The following NUBPL variants were observed in gnomAD, a reference collection of about 807,000 sequenced individuals.
NUBPL encodes NUBP iron-sulfur cluster assembly factor, mitochondrial, also known as iron-sulfur cluster transfer protein NUBPL.
NUBPL carries 31 observed loss-of-function variants against 45.7 expected under a neutral mutation model. That is an observed-to-expected ratio of 0.68 (90% CI 0.51 to 0.92). NUBPL has a LOEUF of 0.92. Ranked by LOEUF, NUBPL falls within the 40% of genes least tolerant of loss-of-function variation. NUBPL has a pLI of 0.00. For missense variants in NUBPL, 401 were observed against 398.7 expected, an observed-to-expected ratio of 1.01 and a Z score of -0.05; for synonymous variants, 144 against 140.9, an observed-to-expected ratio of 1.02 and a Z score of -0.15.
intron 1 of NUBPL, 111 bp from the exon 2 acceptor site, chr14:31,561,957 T>C: frequency 9.7e-7 from 1 of 1,026,312 alleles, no homozygotes; most frequent in Non-Finnish European, 1.5e-6. Flanking sequence ...ATGAGCAGAA[T>C]TAGAAAAGAA....
At chr14:31,695,345 C>CTTTT (rs34395195) in intron 6 of NUBPL, among the ~76,000 whole-genome samples, 1 of 140,206 alleles carries the variant, frequency 7.1e-6, no homozygotes, top group Non-Finnish European at 1.5e-5. Flanking sequence ...TGTAGTGTTC[C>CTTTT]TTTTTTTTTT....
At chr14:31,718,608 G>T (rs1386339140) in intron 6 of NUBPL, among the ~76,000 whole-genome samples, 6 of 152,122 alleles carry the variant, frequency 3.9e-5, no homozygotes, top group Non-Finnish European at 8.8e-5. Context: ...CATTTAGTGA[G>T]GGGAGTTATT....
At chr14:31,683,011 T>C (rs1051544975) in intron 6 of NUBPL, among the ~76,000 whole-genome samples, 3 of 106,498 alleles carry the variant, frequency 2.8e-5, no homozygotes, top group Non-Finnish European at 5.4e-5. Flanking sequence ...GAGGAGGTGC[T>C]AGGTTCCTTT....
At chr14:31,672,756 C>T (rs1240150414) in intron 4 of NUBPL, among the ~76,000 whole-genome samples, 1 of 152,120 alleles carries the variant, frequency 6.6e-6, no homozygotes, top group African/African-American at 2.4e-5. Flanking sequence ...TTTTTAGAAA[C>T]ATATTTAAAA....
chr14:31,590,206 T>G (rs2034105877), intron 3 of NUBPL, among the ~76,000 whole-genome samples: 1 of 152,160 alleles, frequency 6.6e-6, no homozygotes, highest in African/African-American at 2.4e-5. Flanking sequence ...AGTGGTGTGA[T>G]CTCAGCTCAC....
intron 7 of NUBPL, among the ~76,000 whole-genome samples, chr14:31,802,211 A>G (rs2039603835): frequency 6.6e-6 from 1 of 152,110 alleles, no homozygotes; most frequent in South Asian, 2.1e-4. Flanking sequence ...GTTGTAATAT[A>G]ATAAAAACAA....
At chr14:31,752,967 T>G (rs1269404286) in intron 6 of NUBPL, among the ~76,000 whole-genome samples, 1 of 152,036 alleles carries the variant, frequency 6.6e-6, no homozygotes, top group Non-Finnish European at 1.5e-5. Flanking sequence ...AACCATCAGA[T>G]CTCGTGAGAA....
At chr14:31,661,433 C>A (rs1426566591) in intron 4 of NUBPL, among the ~76,000 whole-genome samples, 1 of 152,160 alleles carries the variant, frequency 6.6e-6, no homozygotes, top group Non-Finnish European at 1.5e-5. Context: ...AAATAAAATT[C>A]TAAGGCAAAG....
chr14:31,682,301 A>G (rs900262644), intron 6 of NUBPL, among the ~76,000 whole-genome samples: 11 of 152,148 alleles, frequency 7.2e-5, no homozygotes, highest in Non-Finnish European at 1.3e-4. Context: ...AATTCTTCAT[A>G]TTGAAGTCTA....
chr14:31,625,353 A>G (rs1253505625), intron 4 of NUBPL, among the ~76,000 whole-genome samples: 47 of 152,214 alleles, frequency 3.1e-4, no homozygotes, highest in Non-Finnish European at 2.9e-5. Context: ...TCTCGAAGCA[A>G]CATACTATGT....
chr14:31,717,556 C>CATTTCAG (rs1457127033), intron 6 of NUBPL, among the ~76,000 whole-genome samples: 1 of 152,192 alleles, frequency 6.6e-6, no homozygotes, highest in African/African-American at 2.4e-5. Context: ...CACTTTGTGA[C>CATTTCAG]ATTTCAGACA....
intron 6 of NUBPL, among the ~76,000 whole-genome samples, chr14:31,700,619 C>T (rs117935741): frequency 0.045 from 6,856 of 152,210 alleles, 187 homozygotes; most frequent in Admixed American, 0.065. Context: ...GGCGCAGGCT[C>T]GGCGGGCCCT....
At chr14:31,852,906 A>T (rs989786233) in intron 10 of NUBPL, among the ~76,000 whole-genome samples, 1 of 152,174 alleles carries the variant, frequency 6.6e-6, no homozygotes, top group Non-Finnish European at 1.5e-5. Context: ...CTCTCACCAG[A>T]TTCTGTTGTA....
At chr14:31,803,898 TTC>T (rs2039637225) in intron 7 of NUBPL, among the ~76,000 whole-genome samples, 1 of 152,140 alleles carries the variant, frequency 6.6e-6, no homozygotes, top group Non-Finnish European at 1.5e-5. Flanking sequence ...ACTAAATGCT[TTC>T]TATCTTTCTT....
rs571425151 is a variant in NUBPL at position 31,779,752 on chromosome 14, A to G, written c.514-8028A>G. On this transcript the variant is annotated intron_variant, in intron 6 of 10. Coordinates refer to ENST00000281081, the MANE Select transcript of NUBPL (RefSeq NM_025152.3). ...CTTGAAGACAGTGCACAGAGTTACAATCTAATAACAGATGTACTTTTGCTT... is the reference window on the plus strand; with the variant it reads ...CTTGAAGACAGTGCACAGAGTTACAGTCTAATAACAGATGTACTTTTGCTT... Among the ~76,000 whole-genome samples the G allele has an allele frequency of 6.4e-4, 97 of 152,326 alleles. 1 individual carries two copies. The highest frequency in any genetic ancestry group is 2.1e-4 in the Non-Finnish European group (14 of 68,030).
chr14:31,735,579 C>T (rs1327037886), intron 6 of NUBPL, among the ~76,000 whole-genome samples: 5 of 152,124 alleles, frequency 3.3e-5, no homozygotes, highest in South Asian at 2.1e-4. Flanking sequence ...AATGGCCAGG[C>T]GCGGTGGCTC....
chr14:31,588,057 G>T (rs142846237), intron 3 of NUBPL, among the ~76,000 whole-genome samples: 2 of 152,270 alleles, frequency 1.3e-5, no homozygotes, highest in African/African-American at 2.4e-5. Flanking sequence ...TTTCTGCTAG[G>T]AAATTAACTT....
intron 7 of NUBPL, among the ~76,000 whole-genome samples, chr14:31,799,898 A>G (rs953212223): frequency 5.9e-5 from 9 of 152,238 alleles, no homozygotes; most frequent in African/African-American, 2.2e-4. Context: ...GCTGTTTGAT[A>G]GCATTTAACC....
intron 4 of NUBPL, among the ~76,000 whole-genome samples, chr14:31,641,538 C>T (rs559955518): frequency 2.0e-5 from 3 of 152,226 alleles, no homozygotes; most frequent in Middle Eastern, 3.4e-3. Context: ...ATTAATATTC[C>T]ATTGTGTATA....
Sources: allele counts gnomAD v4.1 joint callset (sites outside exome capture counted in the v4.1 genomes callset), GRCh38; gene constraint gnomAD v4.1.1; transcripts MANE v1.5; gene names NCBI Gene and HGNC (gene_info 2026-07-23, HGNC 2026-07-21).